Variants in ZNF827 observed in about 807,000 individuals in gnomAD.
ZNF827 encodes zinc finger protein 827.
In ZNF827, 13 loss-of-function variants were observed where a neutral mutation model predicts 102.4. The ratio of observed to expected loss-of-function variants is 0.13; its 90% CI spans 0.08 to 0.20. The LOEUF is 0.20. Ranked by LOEUF, ZNF827 falls within the 10% of genes least tolerant of loss-of-function variation. The pLI is 1.00. For missense variants in ZNF827, 1,103 were observed against 1,344.4 expected (o/e 0.82, Z 2.81); for synonymous variants, 523 against 536.2 (o/e 0.98, Z 0.34).
At chr4:145,901,106 T>C (rs918228866) in intron 2 of ZNF827, among the ~76,000 whole-genome samples, 6 of 152,216 alleles carry the variant, frequency 3.9e-5, no homozygotes, top group Non-Finnish European at 8.8e-5. Context: ...ATGCATCAAA[T>C]TGACATTAAC....
intron 1 of ZNF827, among the ~76,000 whole-genome samples, chr4:145,905,484 T>C (rs1751776592): frequency 6.6e-6 from 1 of 152,226 alleles, no homozygotes; most frequent in Admixed American, 6.5e-5. Flanking sequence ...AAAAAGCAGA[T>C]TAAATTGAAT....
At position 145,902,274 on chromosome 4, in the gene ZNF827, G is replaced by A; in HGVS notation, c.985C>T (p.Pro329Ser). 2 of 1,590,624 alleles carry A rather than the reference G, an allele frequency of 1.3e-6. No homozygotes were observed. The highest frequency in any genetic ancestry group is 1.7e-6 in the Non-Finnish European group (2 of 1,170,592). ...GGTGGAGGTGGCGGTGGAGGTGGCG[G>A]AGTGACTTTTTCTGGTTTCTTCTCT... ...PSEKKPEKVT[P>S]PPPPPPPPPP... The change falls in exon 2 of 15, where the codon CCG becomes TCG. Residue 329 changes from proline (P) to serine (S), a missense_variant. Pro to Ser is a moderately conservative substitution (Grantham distance 74). Coordinates refer to ENST00000508784, the MANE Select transcript of ZNF827 (RefSeq NM_001306215.2). This position sits in a 1 kb window ranked among gnomAD's most constrained non-coding sequence, Gnocchi z 4.3.
intron 1 of ZNF827, among the ~76,000 whole-genome samples, chr4:145,913,780 A>G (rs1752469479): frequency 6.6e-6 from 1 of 152,228 alleles, no homozygotes; most frequent in African/African-American, 2.4e-5. Flanking sequence ...AGGCTGATAA[A>G]TCGGTTGATT....
chr4:145,851,238 G>C (rs1241860978), intron 5 of ZNF827, among the ~76,000 whole-genome samples: 1 of 152,172 alleles, frequency 6.6e-6, no homozygotes, highest in East Asian at 1.9e-4. Context: ...TTCCAACTTT[G>C]TGGTAACTTG....
At position 145,849,318 on chromosome 4, in the gene ZNF827, A is replaced by T. The variant is rs368668704; in HGVS notation, c.2221+4T>A. On this transcript the variant is annotated splice_donor_region_variant and intron_variant, in intron 6 of 14. Transcript: ENST00000508784. ...AATTGACATTTTCCTGTGCATAAAC[A>T]TACCTGACAGTTGAAAGAGGAGCTC... 2 of 1,613,776 alleles carry T rather than the reference A, an allele frequency of 1.2e-6. No homozygotes were observed. The highest frequency in any genetic ancestry group is 4.5e-5 in the East Asian group (2 of 44,856).
intron 8 of ZNF827, among the ~76,000 whole-genome samples, chr4:145,784,099 G>A (rs114220540): frequency 2.6e-3 from 399 of 152,244 alleles, no homozygotes; most frequent in African/African-American, 8.9e-3. Context: ...CCACTATGAT[G>A]GAAAGTTTCC....
intron 11 of ZNF827, among the ~76,000 whole-genome samples, chr4:145,768,260 G>A (rs1002508981): frequency 6.6e-6 from 1 of 152,138 alleles, no homozygotes; most frequent in African/African-American, 2.4e-5. Flanking sequence ...CACCTCCCGG[G>A]TTCAAGCAAT....
chr4:145,883,260 C>T (rs1469695325), intron 4 of ZNF827, among the ~76,000 whole-genome samples: 1 of 152,186 alleles, frequency 6.6e-6, no homozygotes, highest in Non-Finnish European at 1.5e-5. Flanking sequence ...AGTCAGGTTT[C>T]AGGACCTCCA....
chr4:145,888,449 C>T (rs763145654), intron 3 of ZNF827, among the ~76,000 whole-genome samples: 1 of 152,226 alleles, frequency 6.6e-6, no homozygotes, highest in Non-Finnish European at 1.5e-5. Flanking sequence ...CTGGTCATTT[C>T]ACACAAACAA....
intron 4 of ZNF827, 124 bp downstream of exon 4, chr4:145,885,554 G>C: frequency 7.4e-7 from 1 of 1,353,748 alleles, no homozygotes. Context: ...AAGGGACCTT[G>C]AAATCATCTA....
intron 5 of ZNF827, among the ~76,000 whole-genome samples, chr4:145,855,998 T>TG (rs1418126708): frequency 6.9e-6 from 1 of 144,788 alleles, no homozygotes; most frequent in African/African-American, 2.5e-5. Context: ...ACAAGCTTTA[T>TG]TTTTTTTTTT....
chr4:145,765,481 T>C lies in ZNF827; in HGVS notation c.3052+66A>G. On this transcript the variant is annotated intron_variant, in intron 12 of 14. Transcript: ENST00000508784. This position sits in a 1 kb window ranked among gnomAD's most constrained non-coding sequence, Gnocchi z 4.7. ...TTTGACATCGCTCCTGTGCAGGGCTTATTCTCAAGAATGGGTCATCCTGGG... is the reference window on the plus strand; with the variant it reads ...TTTGACATCGCTCCTGTGCAGGGCTCATTCTCAAGAATGGGTCATCCTGGG... 1.3e-6 allele frequency: 2 copies of C among 1,533,778 alleles called. No individual in the cohort carries two copies. The highest frequency in any genetic ancestry group is 1.8e-6 in the Non-Finnish European group (2 of 1,138,978).
chr4:145,886,087 G>A lies in ZNF827; in HGVS notation c.1338C>T (p.Phe446=). The change falls in exon 4 of 15, where the codon TTC becomes TTT. Residue 446 remains phenylalanine, a synonymous_variant. Transcript: ENST00000508784. ...GGCAACGCATGTGGAGTTTCAGGCT[G>A]AAGTGGCGTGAGGAAGTAAAAGGGC... ...QLCPFTSSRH[F]SLKLHMRCHQ... 6.2e-7 allele frequency: 1 copy of A among 1,614,014 alleles called. No homozygotes were observed. The highest frequency in any genetic ancestry group is 8.5e-7 in the Non-Finnish European group (1 of 1,179,926).
At chr4:145,890,202 T>C (rs1363018554) in intron 3 of ZNF827, among the ~76,000 whole-genome samples, 1 of 152,174 alleles carries the variant, frequency 6.6e-6, no homozygotes, top group Non-Finnish European at 1.5e-5. Flanking sequence ...AGAAAGAATA[T>C]ACCGTTTGAT....
chr4:145,893,489 G>A (rs7682289), intron 2 of ZNF827, among the ~76,000 whole-genome samples: 26,412 of 152,140 alleles, frequency 0.17, 2,806 homozygotes, highest in East Asian at 0.42. Context: ...ATAAAAACAT[G>A]TCCAAGATAT....
At chr4:145,817,818 T>C (rs1464351351) in intron 8 of ZNF827, among the ~76,000 whole-genome samples, 2 of 152,182 alleles carry the variant, frequency 1.3e-5, no homozygotes, top group African/African-American at 2.4e-5. Flanking sequence ...AGTCTAGAAA[T>C]GTTTCTTCTA....
intron 10 of ZNF827, among the ~76,000 whole-genome samples, 172 bp downstream of exon 10, chr4:145,775,617 G>C (rs763747784): frequency 2.6e-5 from 4 of 152,112 alleles, no homozygotes; most frequent in Non-Finnish European, 5.9e-5. Flanking sequence ...CAAACCAAGA[G>C]AGGAGTCTGT....
chr4:145,866,321 T>C (rs1748193821), intron 5 of ZNF827, among the ~76,000 whole-genome samples: 1 of 152,218 alleles, frequency 6.6e-6, no homozygotes, highest in Non-Finnish European at 1.5e-5. Context: ...AAATTCACCT[T>C]AAAATGTCAT....
At chr4:145,846,102 T>C (rs1338917053) in intron 6 of ZNF827, 89 bp from the exon 7 acceptor site, 22 of 1,209,902 alleles carry the variant, frequency 1.8e-5, no homozygotes, top group Non-Finnish European at 2.3e-5. Context: ...ACCCTCAACA[T>C]CTCTCTTTTT....
Sources: gnomAD v4.1 joint callset for allele counts (sites outside exome capture counted in the v4.1 genomes callset) on GRCh38, gnomAD v4.1.1 for gene constraint, Gnocchi (gnomAD v3.1) non-coding constraint, MANE v1.5 for transcripts, NCBI Gene and HGNC (gene_info 2026-07-23, HGNC 2026-07-21) for gene names.